The following MED16 variants were observed in gnomAD, a reference collection of about 807,000 sequenced individuals.
The protein encoded by MED16 is mediator of RNA polymerase II transcription subunit 16.
Under a neutral mutation model 84.4 loss-of-function variants are expected in MED16, and 81 were observed. The ratio of observed to expected loss-of-function variants is 0.96; its 90% CI spans 0.80 to 1.15. The LOEUF (loss-of-function observed/expected upper bound fraction) is 1.15. Among genes scored for constraint, MED16 ranks in the 50% most tolerant of loss-of-function variants. The pLI is 0.00. For missense variants in MED16, 1,585 were observed against 1,245.9 expected, an observed-to-expected ratio of 1.27 and a Z score of -4.10; for synonymous variants, 897 against 552.2, an observed-to-expected ratio of 1.62 and a Z score of -8.76.
intron 11 of MED16, among the ~76,000 whole-genome samples, chr19:872,612 G>A (rs2036107108): frequency 6.6e-6 from 1 of 150,964 alleles, no homozygotes; most frequent in Non-Finnish European, 1.5e-5. Context: ...GGTGGGTGGG[G>A]CAGAAGAAAT....
rs1387460461 is a variant in MED16, at chr19:875,226, G to A, written c.1771+18C>T. ...GATGAAAGAAACCTCGAGGCCCCGG[G>A]CGTGGAAAAGGACCCACCGACGTCG... On this transcript the variant is annotated intron_variant, in intron 10 of 15. Coordinates refer to ENST00000325464, the MANE Select transcript of MED16 (RefSeq NM_005481.3). 3.2e-6 allele frequency: 5 copies of A among 1,547,326 alleles called. No individual in the cohort carries two copies. Among genetic ancestry groups the A allele is most frequent in the Non-Finnish European group, 3.5e-6 (4 of 1,135,812 alleles).
Position 868,485 on chromosome 19 carries a change from G to A in MED16, c.2414C>T (p.Thr805Ile). 3 of 1,610,734 alleles carry A rather than the reference G, an allele frequency of 1.9e-6. No individual in the cohort carries two copies. The highest frequency in any genetic ancestry group is 1.3e-5 in the African/African-American group (1 of 75,042). Reference sequence around the variant, plus strand: ...GGTTCTGTTGGGCGACTTGAGCATGGTGACACAGCCGCACCTGCGGGGAGG... The same window carrying A: ...GGTTCTGTTGGGCGACTTGAGCATGATGACACAGCCGCACCTGCGGGGAGG... ...CKACTRCGCV[T>I]MLKSPNRTTA... Residue 805 changes from threonine to isoleucine, a missense_variant, in exon 15 of 16, where the codon ACC becomes ATC. Coordinates refer to ENST00000325464, the MANE Select transcript of MED16 (RefSeq NM_005481.3).
At position 889,784 on chromosome 19, in the gene MED16, CA is replaced by C; in HGVS notation, c.300del (p.Asp100GlufsTer26). The C allele has an allele frequency of 6.2e-7, 1 of 1,612,348 alleles. No homozygotes were observed. The highest frequency in any genetic ancestry group is 8.5e-7 in the Non-Finnish European group (1 of 1,179,480). On this transcript the variant is annotated frameshift_variant, in exon 4 of 16. Transcript: ENST00000325464. LOFTEE classifies it high-confidence loss of function. ...DQSGSRLLSADADGQIKCWSM... is the reference protein window; with the variant it reads ...DQSGSRLLSAXADGQIKCWSM... Reference sequence around the variant, plus strand: ...CTCCAGCACTTGATCTGCCCGTCGGCATCTGCTGACAGGAGCCGGGAGCCTG... The same window carrying C: ...CTCCAGCACTTGATCTGCCCGTCGGCTCTGCTGACAGGAGCCGGGAGCCTG...
intron 10 of MED16, among the ~76,000 whole-genome samples, chr19:874,837 T>G (rs927088014): frequency 6.6e-6 from 1 of 151,790 alleles, no homozygotes; most frequent in Non-Finnish European, 1.5e-5. Context: ...GTCACCGTGC[T>G]GCAACCTGGA....
chr19:881,795 G>A (rs184865025), intron 6 of MED16, 81 bp from the exon 7 acceptor site: 7 of 1,519,100 alleles, frequency 4.6e-6, no homozygotes, highest in Non-Finnish European at 6.3e-6. Context: ...AGCATGGCCT[G>A]GTGTGCAACC....
chr19:875,419 C>G lies in MED16; in HGVS notation c.1596G>C (p.Ser532=). The G allele has an allele frequency of 6.2e-7, 1 of 1,605,796 alleles. No individual in the cohort carries two copies. Among genetic ancestry groups the G allele is most frequent in the Non-Finnish European group, 8.5e-7 (1 of 1,179,686 alleles). ...CCGTGCAGGGCGACAGCTTGCAGAG[C>G]GAGGCCTTCATGGCCAGGATCCGGG... is the stretch of plus-strand genomic sequence containing the variant. ...LSTRILAMKA[S]LCKLSPCTVT... The change falls in exon 10 of 16, where the codon TCG becomes TCC. Residue 532 remains serine, a synonymous_variant. Coordinates refer to ENST00000325464, the MANE Select transcript of MED16 (RefSeq NM_005481.3).
At position 868,519 on chromosome 19, in the gene MED16, G is replaced by A. The variant is rs766520142; in HGVS notation, c.2400-20C>T. 1.9e-6 allele frequency: 3 copies of A among 1,606,976 alleles called. No individual in the cohort carries two copies. Among genetic ancestry groups the A allele is most frequent in the Non-Finnish European group, 2.5e-6 (3 of 1,179,486 alleles). The stretch of plus-strand genomic sequence containing the variant: ...CCGCACCTGCGGGGAGGCAGGCACT[G>A]AGCGGGTTCCCACTTCCAGGCGGGC... On this transcript the variant is annotated intron_variant, in intron 14 of 15. Transcript: ENST00000325464.
At position 876,957 on chromosome 19, in the gene MED16, C is replaced by A. The variant is rs757433510; in HGVS notation, c.1560+17G>T. The A allele has an allele frequency of 2.5e-6, 4 of 1,603,924 alleles. No homozygotes were observed. Reference sequence around the variant, plus strand: ...GCCCCCACCTGCCACGGGGCCCCACCTGCCACGGGCCCCCACCTGCTGCAG... The same window carrying A: ...GCCCCCACCTGCCACGGGGCCCCACATGCCACGGGCCCCCACCTGCTGCAG... On this transcript the variant is annotated intron_variant, in intron 9 of 15. Coordinates refer to ENST00000325464, the MANE Select transcript of MED16 (RefSeq NM_005481.3).
chr19:871,327 G>GC, intron 12 of MED16, 74 bp from the exon 13 acceptor site: 1 of 1,439,212 alleles, frequency 6.9e-7, no homozygotes, highest in Non-Finnish European at 9.3e-7. Flanking sequence ...CGTGCTGGGA[G>GC]CCCCTCCAGT....
chr19:890,332 T>C (rs756660505), intron 2 of MED16, 88 bp from the exon 3 acceptor site: 26 of 890,154 alleles, frequency 2.9e-5, no homozygotes, highest in Middle Eastern at 2.3e-4. Context: ...GGTAAGCCGG[T>C]GTGTGTCCCA....
chr19:874,628 C>G (rs1429114001), intron 10 of MED16, among the ~76,000 whole-genome samples: 2 of 152,158 alleles, frequency 1.3e-5, no homozygotes, highest in African/African-American at 2.4e-5. Flanking sequence ...AGCGTCTCAG[C>G]CCCCAGGAGT....
At chr19:888,683 A>G (rs1217731520) in intron 4 of MED16, among the ~76,000 whole-genome samples, 1 of 152,142 alleles carries the variant, frequency 6.6e-6, no homozygotes, top group Non-Finnish European at 1.5e-5. Flanking sequence ...ACTGTTACCA[A>G]AAACAGGAAA....
chr19:877,995 A>G (rs1274680695), intron 8 of MED16, among the ~76,000 whole-genome samples: 4 of 32,050 alleles, frequency 1.2e-4, no homozygotes, highest in African/African-American at 2.8e-4. Flanking sequence ...CCAGCAGCTC[A>G]CCTTTCCGTG....
At chr19:877,255 G>A in intron 8 of MED16, 75 bp from the exon 9 acceptor site, 11 of 1,442,698 alleles carry the variant, frequency 7.6e-6, no homozygotes, top group Non-Finnish European at 9.4e-6. Flanking sequence ...ATGGGGCCCT[G>A]GGGCTGCGGC....
chr19:868,057 C>T lies in MED16; in HGVS notation c.*44G>A, dbSNP rs186193269. The T allele has an allele frequency of 3.7e-4, 584 of 1,558,758 alleles. 3 individuals carry two copies. In the African/African-American group the frequency reaches 4.6e-3, roughly 12 times the overall value. ...GGGTGAGGCAAGGAAACCGAGGAGA[C>T]GCCCGAGCCGGGTCACCACAAGGTC... On this transcript the variant is annotated 3_prime_UTR_variant, in exon 16 of 16. Coordinates refer to ENST00000325464, the MANE Select transcript of MED16 (RefSeq NM_005481.3).
At chr19:882,066 C>T (rs770516986) in intron 6 of MED16, among the ~76,000 whole-genome samples, 9 of 152,232 alleles carry the variant, frequency 5.9e-5, no homozygotes, top group Non-Finnish European at 1.3e-4. Context: ...CCAGCTCAGC[C>T]GGGATTCCCA....
intron 15 of MED16, 62 bp downstream of exon 15, chr19:868,354 A>AGCTGAGGG (rs2035965760): frequency 6.3e-7 from 1 of 1,593,422 alleles, no homozygotes; most frequent in South Asian, 1.1e-5. Context: ...GCTGAGGAGT[A>AGCTGAGGG]GCTGAGGGGC....
rs373315881 is a variant in MED16, at chr19:884,898, C to G, written c.985+5G>C. On this transcript the variant is annotated splice_donor_5th_base_variant and intron_variant, in intron 6 of 15. Transcript: ENST00000325464. Reference sequence around the variant, plus strand: ...CAGGGCCTCCGCAGCCGGCGGGAGACTCACCCACGGGGGAGATCTGCTGGA... The same window carrying G: ...CAGGGCCTCCGCAGCCGGCGGGAGAGTCACCCACGGGGGAGATCTGCTGGA... 2 of 1,602,670 alleles carry G rather than the reference C, an allele frequency of 1.2e-6. No individual in the cohort carries two copies. Among genetic ancestry groups the G allele is most frequent in the Non-Finnish European group, 1.7e-6 (2 of 1,176,472 alleles).
At chr19:875,547 C>G (rs2036211554) in intron 9 of MED16, 93 bp from the exon 10 acceptor site, 3 of 1,025,788 alleles carry the variant, frequency 2.9e-6, no homozygotes, top group Non-Finnish European at 4.2e-6. Context: ...ACTCTGACAC[C>G]AGGCGCTCGG....
Sources: gnomAD v4.1 joint callset for allele counts (sites outside exome capture counted in the v4.1 genomes callset) on GRCh38, gnomAD v4.1.1 for gene constraint, MANE v1.5 for transcripts, NCBI Gene and HGNC (gene_info 2026-07-23, HGNC 2026-07-21) for gene names.